Variants in TYK2 observed in about 807,000 individuals in gnomAD.
The protein encoded by TYK2 is non-receptor tyrosine-protein kinase TYK2.
Under a neutral mutation model 130.9 loss-of-function variants are expected in TYK2, and 65 were observed. That is an observed-to-expected ratio of 0.50 (90% CI 0.41 to 0.61). The LOEUF is 0.61. Among genes scored for constraint, TYK2 ranks in the 20% least tolerant of loss-of-function variants. The pLI is 0.00. For synonymous variants in TYK2, 647 were observed against 658.9 expected, an observed-to-expected ratio of 0.98 and a Z score of 0.28; for missense variants, 1,378 against 1,610.7, an observed-to-expected ratio of 0.86 and a Z score of 2.47.
At position 10,364,988 on chromosome 19, in the gene TYK2, C is replaced by T. The variant is rs1568337264; in HGVS notation, c.1072G>A (p.Ala358Thr). The T allele has an allele frequency of 6.2e-7, 1 of 1,613,486 alleles. No individual in the cohort carries two copies. Among genetic ancestry groups the T allele is most frequent in the Non-Finnish European group, 8.5e-7 (1 of 1,179,610 alleles). ...QASLFGKKAKAHKAVGQPADR... is the reference protein window; with the variant it reads ...QASLFGKKAKTHKAVGQPADR... ...GCCGGCTGGCCGACTGCCTTGTGAG[C>T]CTTGGCCTTCTTCCCAAACAGGCTG... Residue 358 changes from alanine to threonine, a missense_variant, in exon 8 of 25, where the codon GCT (alanine) becomes ACT (threonine). By Grantham distance (58) the Ala-to-Thr change is moderately conservative. Transcript: ENST00000525621. The surrounding 1 kb of genome is among the most constrained non-coding windows in gnomAD (Gnocchi z 4.9).
In TYK2 at chr19:10,352,957, C is replaced by T; in HGVS notation, c.3169G>A (p.Val1057Met). Reference sequence around the variant, plus strand: ...ACGGGGCTGTCCCCATCCTCGCGCACGCGGTAGTACTCGTGGCCTTCGGGC... The same window carrying T: ...ACGGGGCTGTCCCCATCCTCGCGCATGCGGTAGTACTCGTGGCCTTCGGGC... The part of the protein sequence containing the change: ...AVPEGHEYYR[V>M]REDGDSPVFW... Residue 1057 changes from valine (V) to methionine (M), a missense_variant, in exon 22 of 25, where the codon GTG (valine) becomes ATG (methionine). Val to Met is a conservative substitution (Grantham distance 21). Coordinates refer to ENST00000525621, the MANE Select transcript of TYK2 (RefSeq NM_003331.5). 1 of 1,607,004 alleles carries T rather than the reference C, an allele frequency of 6.2e-7. No individual in the cohort carries two copies. Among genetic ancestry groups the T allele is most frequent in the Non-Finnish European group, 8.5e-7 (1 of 1,176,302 alleles).
Position 10,364,549 on chromosome 19 carries a change from C to T in TYK2, c.1367+65G>A, listed in dbSNP as rs2041560106. 1 of 1,585,234 alleles carries T rather than the reference C, an allele frequency of 6.3e-7. No homozygotes were observed. Among genetic ancestry groups the T allele is most frequent in the African/African-American group, 1.3e-5 (1 of 74,348 alleles). ...CCTACACACACACCCTGCACAGCCC[C>T]TAGGGCTCACAGTCTAGTTGGCACC... On this transcript the variant is annotated intron_variant, in intron 9 of 24. Transcript: ENST00000525621. The surrounding 1 kb of genome is among the most constrained non-coding windows in gnomAD (Gnocchi z 4.9).
At position 10,364,831 on chromosome 19, in the gene TYK2, G is replaced by A; in HGVS notation, c.1209+20C>T. Reference sequence around the variant, plus strand: ...CCAGGCCATGATGGGCCCTAGCCCAGCCCCTACCCTGGGCCTCACCAGGCA... The same window carrying A: ...CCAGGCCATGATGGGCCCTAGCCCAACCCCTACCCTGGGCCTCACCAGGCA... On this transcript the variant is annotated intron_variant, in intron 8 of 24. Transcript: ENST00000525621. This position sits in a 1 kb window ranked among gnomAD's most constrained non-coding sequence, Gnocchi z 4.9. 1 of 1,613,968 alleles carries A rather than the reference G, an allele frequency of 6.2e-7. No homozygotes were observed. Among genetic ancestry groups the A allele is most frequent in the South Asian group, 1.1e-5 (1 of 91,090 alleles).
chr19:10,374,628 C>G (rs1482096674), intron 3 of TYK2, among the ~76,000 whole-genome samples: 1 of 149,622 alleles, frequency 6.7e-6, no homozygotes. Context: ...TGGCTCACAC[C>G]TGTCATCCCA....
Position 10,364,275 on chromosome 19 carries a change from C to T in TYK2, c.1367+339G>A, listed in dbSNP as rs2041544208. Among the ~76,000 whole-genome samples the T allele has an allele frequency of 6.6e-6, 1 of 152,142 alleles. No homozygotes were observed. Among genetic ancestry groups the T allele is most frequent in the African/African-American group, 2.4e-5 (1 of 41,422 alleles). Reference sequence around the variant, plus strand: ...CCTGTAATACCAGCACTTTGGGAGGCCGAGGCGGGTGGATCACCTGAGGTC... The same window carrying T: ...CCTGTAATACCAGCACTTTGGGAGGTCGAGGCGGGTGGATCACCTGAGGTC... On this transcript the variant is annotated intron_variant, in intron 9 of 24. Coordinates refer to ENST00000525621, the MANE Select transcript of TYK2 (RefSeq NM_003331.5). This position sits in a 1 kb window ranked among gnomAD's most constrained non-coding sequence, Gnocchi z 4.9.
At position 10,362,506 on chromosome 19, in the gene TYK2, G is replaced by A. The variant is rs201930296; in HGVS notation, c.1476+43C>T. The A allele has an allele frequency of 1.7e-5, 27 of 1,562,686 alleles. No individual in the cohort carries two copies. The East Asian group carries it at 4.5e-4, about 26-fold the overall frequency. ...AGCAGTAAGCAGGGGACCAGGCAGG[G>A]AACGTGTCCAGCCCCAGCCCCAGCC... On this transcript the variant is annotated intron_variant, in intron 10 of 24. Coordinates refer to ENST00000525621, the MANE Select transcript of TYK2 (RefSeq NM_003331.5).
In TYK2 at chr19:10,357,766, C is replaced by A; in HGVS notation, c.2464G>T (p.Glu822Ter). Residue 822 changes from glutamate (E) to a stop codon, truncating the protein, a stop_gained and splice_region_variant, in exon 17 of 25, where the codon GAG becomes TAG. Coordinates refer to ENST00000525621, the MANE Select transcript of TYK2 (RefSeq NM_003331.5). LOFTEE classifies it high-confidence loss of function. ...EAPLQSRSPS[E>*]KEHFYQRQHR... ...GCCCAAGGGTCTCCTAGACATACCTCGGAGGGACTGCGGCTCTGCAGAGGG... is the reference window on the plus strand; with the variant it reads ...GCCCAAGGGTCTCCTAGACATACCTAGGAGGGACTGCGGCTCTGCAGAGGG... 1 of 1,607,554 alleles carries A rather than the reference C, an allele frequency of 6.2e-7. No individual in the cohort carries two copies. Among genetic ancestry groups the A allele is most frequent in the African/African-American group, 1.3e-5 (1 of 74,868 alleles).
At chr19:10,370,716 G>A (rs1255709848) in intron 3 of TYK2, among the ~76,000 whole-genome samples, 1 of 150,992 alleles carries the variant, frequency 6.6e-6, no homozygotes, top group Non-Finnish European at 1.5e-5. Flanking sequence ...TACTCAGCAG[G>A]CTGAGGCAAG....
chr19:10,368,464 C>A, intron 3 of TYK2, 46 bp from the exon 4 acceptor site: 1 of 1,612,996 alleles, frequency 6.2e-7, no homozygotes, highest in Non-Finnish European at 8.5e-7. Context: ...CATTTGCTAC[C>A]GTCAGCCCCA....
chr19:10,358,033 C>T lies in TYK2; in HGVS notation c.2281G>A (p.Gly761Ser). The T allele has an allele frequency of 1.2e-6, 2 of 1,613,526 alleles. No homozygotes were observed. Among genetic ancestry groups the T allele is most frequent in the South Asian group, 1.1e-5 (1 of 91,084 alleles). ...CTGGAGAGGGCGCCCAGGCCCACGC[C>T]AGGATCACTCAGCTTGATGAAGGGG... is the stretch of plus-strand genomic sequence containing the variant. ...TSPFIKLSDP[G>S]VGLGALSREE... Residue 761 changes from glycine to serine, a missense_variant, in exon 16 of 25, where the codon GGC becomes AGC. Physicochemically the swap from Gly to Ser is moderately conservative, Grantham distance 56. Transcript: ENST00000525621.
Position 10,350,712 on chromosome 19 carries a change from A to T in TYK2, c.*122T>A. 1 of 1,213,216 alleles carries T rather than the reference A, an allele frequency of 8.2e-7. No individual in the cohort carries two copies. The highest frequency in any genetic ancestry group is 1.2e-6 in the Non-Finnish European group (1 of 854,024). 75.2% of individuals were successfully genotyped at this position (1,213,216 alleles called of 1,614,324 possible). On this transcript the variant is annotated 3_prime_UTR_variant, in exon 25 of 25. Transcript: ENST00000525621. ...GAGGTGGGGTCTCTAGACAGGAGTA[A>T]GGCACACGGTGTGGGTGAGGCTGAC... is the stretch of plus-strand genomic sequence containing the variant.
Position 10,367,646 on chromosome 19 carries a change from A to C in TYK2, c.465+409T>G, listed in dbSNP as rs12720256. Among the ~76,000 whole-genome samples the C allele has an allele frequency of 7.8e-3, 1,173 of 149,734 alleles. 14 individuals are homozygous for C. The highest frequency in any genetic ancestry group is 0.027 in the African/African-American group (1,094 of 40,496). ...TTTCAAAAAAAAAAGATCGGCTGGGAGCGGTGGCTCACGCCTGTAATCCCA... is the reference window on the plus strand; with the variant it reads ...TTTCAAAAAAAAAAGATCGGCTGGGCGCGGTGGCTCACGCCTGTAATCCCA... On this transcript the variant is annotated intron_variant, in intron 5 of 24. Coordinates refer to ENST00000525621, the MANE Select transcript of TYK2 (RefSeq NM_003331.5).
In TYK2 at chr19:10,359,231, G is replaced by A; in HGVS notation, c.2119C>T (p.Pro707Ser). The A allele has an allele frequency of 6.2e-7, 1 of 1,610,158 alleles. No individual in the cohort carries two copies. The highest frequency in any genetic ancestry group is 8.5e-7 in the Non-Finnish European group (1 of 1,179,946). The part of the protein sequence containing the change: ...VWLRRERGHV[P>S]MAWKMVVAQQ... ...GCCACCACCATCTTCCAAGCCATGG[G>A]CACATGGCCCCGCTCCCTCCGCAGC... Residue 707 changes from proline (P) to serine (S), a missense_variant, in exon 15 of 25, where the codon CCC (proline) becomes TCC (serine). Pro to Ser is a moderately conservative substitution (Grantham distance 74). Transcript: ENST00000525621.
rs2041387741 is a variant in TYK2 at position 10,361,286 on chromosome 19, C to G, written c.2047+225G>C. The G allele has an allele frequency of 4.8e-6, 3 of 621,564 alleles. No homozygotes were observed. In the South Asian group the frequency reaches 5.4e-5, roughly 11 times the overall value. 38.5% of individuals were successfully genotyped at this position (621,564 alleles called of 1,614,324 possible). A position where few individuals can be genotyped will look rare whatever the true frequency, so the allele number is the denominator to read the frequency against. On this transcript the variant is annotated intron_variant, in intron 14 of 24. Coordinates refer to ENST00000525621, the MANE Select transcript of TYK2 (RefSeq NM_003331.5). This position sits in a 1 kb window ranked among gnomAD's most constrained non-coding sequence, Gnocchi z 4.0. ...TCAGGGTGGGGGTTGAGACTGAGGG[C>G]AGGTGAGGGTCGACGTGTTGGGATG...
Position 10,352,444 on chromosome 19 carries a change from C to T in TYK2, c.3308G>A (p.Ser1103Asn), listed in dbSNP as rs757843261. The change falls in exon 23 of 25, where the codon AGC (serine) becomes AAC (asparagine). Residue 1103 changes from serine to asparagine, a missense_variant. Ser to Asn is a conservative substitution (Grantham distance 46). Coordinates refer to ENST00000525621, the MANE Select transcript of TYK2 (RefSeq NM_003331.5). The stretch of plus-strand genomic sequence containing the variant: ...GGGCCTGGCTCTCACCGTGGGGGGG[C>T]TCTGGCTGGAGTCACAGTGCGTCAG... ...ELLTHCDSSQ[S>N]PPTKFLELIG... 1.2e-6 allele frequency: 2 copies of T among 1,608,786 alleles called. No individual in the cohort carries two copies. The highest frequency in any genetic ancestry group is 1.7e-6 in the Non-Finnish European group (2 of 1,176,560).
In TYK2 at chr19:10,362,608, T is replaced by C; in HGVS notation, c.1417A>G (p.Ile473Val). The C allele has an allele frequency of 6.4e-7, 1 of 1,553,160 alleles. No individual in the cohort carries two copies. The change falls in exon 10 of 25, where the codon ATT (isoleucine) becomes GTT (valine). Residue 473 changes from isoleucine (I) to valine (V), a missense_variant. Transcript: ENST00000525621. Reference protein sequence around the residue: ...KLRPEDGLYLIHWSTSHPYRL... With the variant: ...KLRPEDGLYLVHWSTSHPYRL... Reference sequence around the variant, plus strand: ...TAGGGGTGGCTGGTGCTCCAGTGAATGAGGTACAGGCCGTCCTCGGGCCGC... The same window carrying C: ...TAGGGGTGGCTGGTGCTCCAGTGAACGAGGTACAGGCCGTCCTCGGGCCGC...
At chr19:10,375,104 G>A (rs77477628) in intron 3 of TYK2, among the ~76,000 whole-genome samples, 13,007 of 151,768 alleles carry the variant, frequency 0.086, 665 homozygotes, top group African/African-American at 0.14. Context: ...GGCAGTTAGA[G>A]GCTGCAATGC....
chr19:10,359,102 C>T (rs1364048216), intron 15 of TYK2, 73 bp downstream of exon 15: 1 of 1,576,506 alleles, frequency 6.3e-7, no homozygotes, highest in Non-Finnish European at 8.6e-7. Flanking sequence ...CGCCCTGTTG[C>T]CCAGGCTGGT....
intron 15 of TYK2, 53 bp from the exon 16 acceptor site, chr19:10,358,191 ACCCCAAACCT>A: frequency 6.5e-7 from 1 of 1,549,750 alleles, no homozygotes; most frequent in South Asian, 1.2e-5. Context: ...ACAGACGCCA[ACCCCAAACCT>A]GGTCCCCATA....
Sources: gnomAD v4.1 joint callset for allele counts (sites outside exome capture counted in the v4.1 genomes callset) on GRCh38, gnomAD v4.1.1 for gene constraint, Gnocchi (gnomAD v3.1) non-coding constraint, MANE v1.5 for transcripts, NCBI Gene and HGNC (gene_info 2026-07-23, HGNC 2026-07-21) for gene names.